The following FOXN3 variants were observed in gnomAD, a reference collection of about 807,000 sequenced individuals.
The protein encoded by FOXN3 is forkhead box protein N3.
FOXN3 carries 7 observed loss-of-function variants against 38.4 expected under a neutral mutation model. The observed-to-expected ratio is 0.18, with a 90% CI of 0.10 to 0.34. The LOEUF is 0.34. Among genes scored for constraint, FOXN3 ranks in the 10% least tolerant of loss-of-function variants. The pLI, the probability that FOXN3 is intolerant of heterozygous loss-of-function variation, is 1.00. For synonymous variants in FOXN3, 230 were observed against 242.2 expected (o/e 0.95, Z 0.47); for missense variants, 456 against 613.4 (o/e 0.74, Z 2.71).
intron 1 of FOXN3, among the ~76,000 whole-genome samples, chr14:89,604,253 ACACG>A (rs1896221964): frequency 8.0e-6 from 1 of 125,042 alleles, no homozygotes; most frequent in African/African-American, 3.1e-5. Flanking sequence ...GCGCGCACAC[ACACG>A]CGCGCGCACA....
At chr14:89,409,604 G>A (rs534255810) in intron 2 of FOXN3, 2 of 152,302 alleles carry the variant, frequency 1.3e-5, no homozygotes, top group Admixed American at 6.5e-5. Flanking sequence ...CAAACTAAAC[G>A]CCCTGTTTGT....
intron 2 of FOXN3, among the ~76,000 whole-genome samples, chr14:89,405,890 C>A (rs916884245): frequency 6.6e-6 from 1 of 152,136 alleles, no homozygotes; most frequent in Non-Finnish European, 1.5e-5. Context: ...TAAGCACATG[C>A]CCTTCAGAAT....
chr14:89,358,004 G>A (rs1452460415), intron 2 of FOXN3, among the ~76,000 whole-genome samples: 2 of 152,100 alleles, frequency 1.3e-5, no homozygotes, highest in Admixed American at 6.5e-5. Context: ...ACATCAACTG[G>A]TTCCTCTGTA....
intron 4 of FOXN3, among the ~76,000 whole-genome samples, chr14:89,277,213 A>G (rs1257020207): frequency 6.6e-6 from 1 of 152,202 alleles, no homozygotes; most frequent in Non-Finnish European, 1.5e-5. Context: ...AATAAAGAAC[A>G]CGTTTCAAAC....
chr14:89,432,987 T>G (rs1433229653), intron 1 of FOXN3, among the ~76,000 whole-genome samples: 3 of 152,150 alleles, frequency 2.0e-5, no homozygotes, highest in Non-Finnish European at 2.9e-5. Flanking sequence ...CTGGCCTGCA[T>G]AGCATTTTTC....
At chr14:89,210,313 A>G (rs1160472383) in intron 4 of FOXN3, among the ~76,000 whole-genome samples, 3 of 151,874 alleles carry the variant, frequency 2.0e-5, no homozygotes, top group Non-Finnish European at 4.4e-5. Flanking sequence ...TCACCCTCCT[A>G]TGAAATGCCA....
intron 1 of FOXN3, among the ~76,000 whole-genome samples, chr14:89,564,104 C>T (rs1484236046): frequency 6.6e-6 from 1 of 152,140 alleles, no homozygotes; most frequent in Non-Finnish European, 1.5e-5. Flanking sequence ...ATCCACCCGC[C>T]TCGGCCTCCC....
chr14:89,275,467 G>A (rs1051137518), intron 4 of FOXN3, among the ~76,000 whole-genome samples: 1 of 152,194 alleles, frequency 6.6e-6, no homozygotes, highest in Non-Finnish European at 1.5e-5. Context: ...GGTATGCCAC[G>A]TGGCTTGTCC....
chr14:89,169,699 A>G (rs779560553), intron 5 of FOXN3, among the ~76,000 whole-genome samples: 1 of 152,234 alleles, frequency 6.6e-6, no homozygotes, highest in Non-Finnish European at 1.5e-5. Context: ...AAATACTTAA[A>G]AATATTCATG....
chr14:89,480,209 T>C (rs546633616), intron 1 of FOXN3, among the ~76,000 whole-genome samples: 29 of 152,260 alleles, frequency 1.9e-4, no homozygotes, highest in Admixed American at 1.8e-3. Context: ...GAGACCATCC[T>C]GGCTAACACG....
chr14:89,427,549 A>G (rs1275250246), intron 1 of FOXN3, among the ~76,000 whole-genome samples: 1 of 148,256 alleles, frequency 6.7e-6, no homozygotes, highest in African/African-American at 2.5e-5. Flanking sequence ...CAGCTCCTAG[A>G]CCTCGTGATC....
chr14:89,323,783 G>C (rs1302669187), intron 3 of FOXN3, among the ~76,000 whole-genome samples: 1 of 152,130 alleles, frequency 6.6e-6, no homozygotes, highest in Non-Finnish European at 1.5e-5. Flanking sequence ...TCGATCTAAA[G>C]GAGCAGGCAC....
intron 1 of FOXN3, among the ~76,000 whole-genome samples, chr14:89,585,252 A>T (rs1895820203): frequency 6.6e-6 from 1 of 152,182 alleles, no homozygotes; most frequent in African/African-American, 2.4e-5. Flanking sequence ...TGATCCTTCA[A>T]GTCCCAGAAG....
chr14:89,535,235 C>G (rs1894662003), intron 1 of FOXN3, among the ~76,000 whole-genome samples: 1 of 147,042 alleles, frequency 6.8e-6, no homozygotes, highest in South Asian at 2.1e-4. Context: ...GGTGAAATTT[C>G]AGCTGGAAAT....
chr14:89,181,415 G>A (rs1486720217), intron 4 of FOXN3, among the ~76,000 whole-genome samples: 1 of 152,090 alleles, frequency 6.6e-6, no homozygotes. Flanking sequence ...TCCAACAAGG[G>A]GAAAAATATG....
chr14:89,325,150 A>G (rs1325536474), intron 3 of FOXN3, among the ~76,000 whole-genome samples: 1 of 152,124 alleles, frequency 6.6e-6, no homozygotes, highest in African/African-American at 2.4e-5. Context: ...CCACCACTGC[A>G]GAAAGTTCTG....
chr14:89,518,002 T>C lies in FOXN3; in HGVS notation c.-15+101026A>G, dbSNP rs1004083946. 2.6e-5 allele frequency among the ~76,000 whole-genome samples: 4 copies of C among 152,198 alleles called. No homozygotes were observed. In the East Asian group the frequency reaches 5.8e-4, roughly 22 times the overall value. On this transcript the variant is annotated intron_variant, in intron 1 of 6. Coordinates refer to the FOXN3 transcript ENST00000345097. ...CCAAAACAAGCAAATCTTTAGCCAT[T>C]TAGAGCTGACTGCTTTGCAGACCCC...
rs376183385 is a variant in FOXN3 at position 89,558,844 on chromosome 14, G to A, written c.-15+60184C>T. Among the ~76,000 whole-genome samples the A allele has an allele frequency of 2.0e-4, 30 of 152,308 alleles. 2 individuals carry two copies. The highest frequency in any genetic ancestry group is 1.9e-3 in the East Asian group (10 of 5,172). On this transcript the variant is annotated intron_variant, in intron 1 of 6. Transcript: ENST00000345097. ...GGTCGGGGCGACAGCAGGGCCAGGT[G>A]GGCCATGAGCTGATTGTTATTAGCT...
intron 1 of FOXN3, among the ~76,000 whole-genome samples, chr14:89,458,446 T>A (rs1892772950): frequency 6.6e-6 from 1 of 152,216 alleles, no homozygotes; most frequent in South Asian, 2.1e-4. Flanking sequence ...TTGTGCTCCC[T>A]CAAAACTCAG....
Sources: allele counts gnomAD v4.1 joint callset (sites outside exome capture counted in the v4.1 genomes callset), GRCh38; gene constraint gnomAD v4.1.1; transcripts MANE v1.5; gene names NCBI Gene and HGNC (gene_info 2026-07-23, HGNC 2026-07-21).